The following ALK variants were observed in gnomAD, a reference collection of about 807,000 sequenced individuals.
The protein encoded by ALK is ALK tyrosine kinase receptor.
Under a neutral mutation model 163.1 loss-of-function variants are expected in ALK, and 74 were observed. The observed-to-expected ratio is 0.45, with a 90% CI of 0.38 to 0.55. ALK has a LOEUF of 0.55. ALK is among the 20% of genes least tolerant of loss of function. The probability of loss-of-function intolerance (pLI) is 0.00; values close to 1 mark genes in which losing one functional copy is unlikely to be tolerated. For missense variants in ALK, 2,063 were observed against 2,105.3 expected, an observed-to-expected ratio of 0.98 and a Z score of 0.39; for synonymous variants, 960 against 843.2, an observed-to-expected ratio of 1.14 and a Z score of -2.40.
At chr2:29,205,876 C>G (rs1404415530) in intron 26 of ALK, among the ~76,000 whole-genome samples, 1 of 152,210 alleles carries the variant, frequency 6.6e-6, no homozygotes, top group Non-Finnish European at 1.5e-5. Context: ...GGCCATTACT[C>G]AGCCCACTGC....
intron 3 of ALK, among the ~76,000 whole-genome samples, chr2:29,547,341 A>C (rs1452431373): frequency 6.6e-6 from 1 of 152,246 alleles, no homozygotes; most frequent in African/African-American, 2.4e-5. Flanking sequence ...TCATGCCTGT[A>C]ATCCCAGCAT....
chr2:29,561,818 G>C (rs1182887530), intron 3 of ALK, among the ~76,000 whole-genome samples: 1 of 152,118 alleles, frequency 6.6e-6, no homozygotes, highest in Non-Finnish European at 1.5e-5. Flanking sequence ...GAAAATGACC[G>C]GGGCCGGGCA....
chr2:29,663,927 G>A (rs1020483624), intron 3 of ALK, among the ~76,000 whole-genome samples: 1 of 152,156 alleles, frequency 6.6e-6, no homozygotes, highest in Non-Finnish European at 1.5e-5. Context: ...CCCTGAAGGG[G>A]ACTTAGAAAA....
At chr2:29,751,355 C>A (rs141771349) in intron 1 of ALK, among the ~76,000 whole-genome samples, 2 of 152,084 alleles carry the variant, frequency 1.3e-5, no homozygotes, top group South Asian at 2.1e-4. Context: ...CTTCAGCACG[C>A]GATAGGAATT....
intron 3 of ALK, among the ~76,000 whole-genome samples, chr2:29,626,210 A>G (rs2001916): frequency 0.63 from 95,457 of 152,014 alleles, 31,140 homozygotes; most frequent in East Asian, 0.73. Flanking sequence ...TGGTCATGAG[A>G]GTAGGGACTT....
chr2:29,555,331 T>A (rs146249865), intron 3 of ALK, among the ~76,000 whole-genome samples: 1 of 152,246 alleles, frequency 6.6e-6, no homozygotes, highest in African/African-American at 2.4e-5. Flanking sequence ...ATTGGCCCAC[T>A]TCACTCATTT....
intron 3 of ALK, among the ~76,000 whole-genome samples, chr2:29,533,733 A>G (rs554551437): frequency 3.3e-5 from 5 of 152,326 alleles, no homozygotes; most frequent in Admixed American, 2.6e-4. Context: ...CTGAGGACAT[A>G]GATGTGACAG....
intron 4 of ALK, among the ~76,000 whole-genome samples, chr2:29,470,419 C>T (rs1435774014): frequency 6.6e-6 from 1 of 152,018 alleles, no homozygotes; most frequent in Non-Finnish European, 1.5e-5. Flanking sequence ...GAAAACTATG[C>T]CTAGTCACAT....
At position 29,600,236 on chromosome 2, in the gene ALK, C is replaced by A. The variant is rs1437819398; in HGVS notation, c.953-68120G>T. ...GATGAGCTCATAAACCAAAAATTCTCAAGCCTGTGGGAGAGTAACACCACA... is the reference window on the plus strand; with the variant it reads ...GATGAGCTCATAAACCAAAAATTCTAAAGCCTGTGGGAGAGTAACACCACA... On this transcript the variant is annotated intron_variant, in intron 3 of 28. Coordinates refer to ENST00000389048, the MANE Select transcript of ALK (RefSeq NM_004304.5). Among the ~76,000 whole-genome samples, 24 of 152,250 alleles carry A rather than the reference C, an allele frequency of 1.6e-4. 1 individual carries two copies. In the East Asian group the frequency reaches 4.5e-3, roughly 28 times the overall value.
chr2:29,525,682 C>G (rs1013857618), intron 4 of ALK, among the ~76,000 whole-genome samples: 3 of 150,628 alleles, frequency 2.0e-5, no homozygotes, highest in African/African-American at 7.3e-5. Flanking sequence ...CCCAGCTACT[C>G]AGGAGGCTGA....
At chr2:29,718,958 C>A (rs529448431) in intron 1 of ALK, among the ~76,000 whole-genome samples, 1 of 152,314 alleles carries the variant, frequency 6.6e-6, no homozygotes, top group African/African-American at 2.4e-5. Context: ...ACATTACCCC[C>A]TGTACCAGCT....
intron 3 of ALK, among the ~76,000 whole-genome samples, chr2:29,584,192 C>G (rs181699771): frequency 2.0e-5 from 3 of 152,118 alleles, no homozygotes; most frequent in Non-Finnish European, 4.4e-5. Flanking sequence ...TGAGTTAAAT[C>G]TAGCAAGATT....
intron 4 of ALK, among the ~76,000 whole-genome samples, chr2:29,512,978 C>T (rs1195561179): frequency 6.6e-6 from 1 of 151,204 alleles, no homozygotes; most frequent in African/African-American, 2.5e-5. Context: ...AACTACAAAC[C>T]ACTGCTCAAT....
chr2:29,198,335 A>T (rs921521746), intron 26 of ALK, among the ~76,000 whole-genome samples: 2 of 107,746 alleles, frequency 1.9e-5, no homozygotes, highest in African/African-American at 9.7e-5. Context: ...CTGTACACAC[A>T]TCATCTCCTT....
intron 3 of ALK, among the ~76,000 whole-genome samples, chr2:29,592,976 G>T (rs1233936329): frequency 1.3e-5 from 2 of 152,228 alleles, no homozygotes; most frequent in Non-Finnish European, 2.9e-5. Context: ...ATACATTTCT[G>T]CTGTTTTAAG....
intron 11 of ALK, among the ~76,000 whole-genome samples, chr2:29,257,817 C>A (rs1445747907): frequency 6.6e-6 from 1 of 152,138 alleles, no homozygotes; most frequent in East Asian, 1.9e-4. Flanking sequence ...AAATCATGAC[C>A]AAAATCCAGG....
Position 29,220,250 on chromosome 2 carries a change from C to T in ALK, c.3645+456G>A, listed in dbSNP as rs184943655. The stretch of plus-strand genomic sequence containing the variant: ...GATAGTGAGTGAGTTCTCATGAGAC[C>T]TGGTTGTTTAAAAGTGTACAGCGCT... On this transcript the variant is annotated intron_variant, in intron 23 of 28. Coordinates refer to ENST00000389048, the MANE Select transcript of ALK (RefSeq NM_004304.5). Among the ~76,000 whole-genome samples the T allele has an allele frequency of 2.0e-5, 3 of 152,184 alleles. No individual in the cohort carries two copies. The East Asian group carries it at 5.8e-4, about 29-fold the overall frequency.
At chr2:29,910,418 TAGAA>T (rs1298094073) in intron 1 of ALK, among the ~76,000 whole-genome samples, 1 of 152,100 alleles carries the variant, frequency 6.6e-6, no homozygotes, top group Non-Finnish European at 1.5e-5. Flanking sequence ...ATTGAATTCT[TAGAA>T]AGGAGGAGCA....
At chr2:29,492,841 A>G (rs891469644) in intron 4 of ALK, among the ~76,000 whole-genome samples, 12 of 152,212 alleles carry the variant, frequency 7.9e-5, no homozygotes, top group Non-Finnish European at 1.5e-4. Flanking sequence ...TAGTGGTAAT[A>G]TTGGCAAAGA....
Sources: allele counts gnomAD v4.1 joint callset (sites outside exome capture counted in the v4.1 genomes callset), GRCh38; gene constraint gnomAD v4.1.1; transcripts MANE v1.5; gene names NCBI Gene and HGNC (gene_info 2026-07-23, HGNC 2026-07-21).